GXYLT1: variants seen among roughly 807,000 people sequenced by gnomAD.
The protein encoded by GXYLT1 is glycosyltransferase 8 domain containing 3.
GXYLT1 carries 29 observed loss-of-function variants against 54.0 expected under a neutral mutation model. The observed-to-expected ratio is 0.54, with a 90% CI of 0.40 to 0.73. GXYLT1 has a LOEUF of 0.73. Ranked by LOEUF, GXYLT1 falls within the 30% of genes least tolerant of loss-of-function variation. The probability of loss-of-function intolerance (pLI) is 0.00; values close to 1 mark genes in which losing one functional copy is unlikely to be tolerated. For missense variants in GXYLT1, 490 were observed against 553.4 expected, an observed-to-expected ratio of 0.89 and a Z score of 1.15; for synonymous variants, 176 against 204.1, an observed-to-expected ratio of 0.86 and a Z score of 1.17.
At chr12:42,116,941 T>C (rs901040082) in intron 3 of GXYLT1, among the ~76,000 whole-genome samples, 1 of 152,050 alleles carries the variant, frequency 6.6e-6, no homozygotes, top group African/African-American at 2.4e-5. Flanking sequence ...TGGAATACTA[T>C]GCAGCCATAA....
intron 1 of GXYLT1, among the ~76,000 whole-genome samples, chr12:42,134,027 T>G (rs1427655678): frequency 6.6e-6 from 1 of 151,640 alleles, no homozygotes; most frequent in East Asian, 1.9e-4. Flanking sequence ...CAAAACCCCA[T>G]CTCTACAAAG....
chr12:42,144,064 T>G (rs2065665949), intron 1 of GXYLT1, among the ~76,000 whole-genome samples: 1 of 152,144 alleles, frequency 6.6e-6, no homozygotes, highest in Non-Finnish European at 1.5e-5. Flanking sequence ...TTTAAATATC[T>G]CAACTTGAAC....
chr12:42,097,612 T>C lies in GXYLT1; in HGVS notation c.991A>G (p.Ser331Gly). 6.2e-7 allele frequency: 1 copy of C among 1,604,784 alleles called. No homozygotes were observed. The highest frequency in any genetic ancestry group is 8.5e-7 in the Non-Finnish European group (1 of 1,177,422). The change falls in exon 7 of 8, where the codon AGC becomes GGC. Residue 331 changes from serine to glycine, a missense_variant and splice_region_variant. Ser to Gly is a moderately conservative substitution (Grantham distance 56). This residue lies in a region of GXYLT1 where 342 missense variants were observed against 342.6 expected (regional missense o/e 1.00). Transcript: ENST00000398675. ...CATTGACACGGAAAAACAAAAAGGC[T>C]TTCTACATAAAGAAAAGACCAAACA... ...LNIVFFHNPESLFVFPCQWNY... is the reference protein window; with the variant it reads ...LNIVFFHNPEGLFVFPCQWNY...
chr12:42,136,522 C>T (rs761007579), intron 1 of GXYLT1, among the ~76,000 whole-genome samples: 5 of 152,138 alleles, frequency 3.3e-5, no homozygotes, highest in Non-Finnish European at 5.9e-5. Flanking sequence ...TAAAATGTTA[C>T]TATGGCTCAT....
In GXYLT1 at chr12:42,126,948, G is replaced by GT. The variant is rs368476430; in HGVS notation, c.314+2810_314+2811insA. On this transcript the variant is annotated intron_variant, in intron 2 of 7. Transcript: ENST00000398675. Reference sequence around the variant, plus strand: ...TCACAACTATGTAAAAGCATATGATGATATGAATGATGAAAACACTTGTAA... The same window carrying GT: ...TCACAACTATGTAAAAGCATATGATGTATATGAATGATGAAAACACTTGTAA... Among the ~76,000 whole-genome samples the GT allele has an allele frequency of 2.8e-3, 424 of 151,892 alleles. 1 individual carries two copies. Among genetic ancestry groups the GT allele is most frequent in the African/African-American group, 9.1e-3 (378 of 41,426 alleles).
chr12:42,088,590 T>C (rs1440490431), intron 7 of GXYLT1, among the ~76,000 whole-genome samples: 1 of 152,190 alleles, frequency 6.6e-6, no homozygotes, highest in Admixed American at 6.5e-5. Flanking sequence ...TATTTTTGGC[T>C]AGAGTCCTTC....
chr12:42,094,134 G>A (rs563992637), intron 7 of GXYLT1, among the ~76,000 whole-genome samples: 2 of 151,902 alleles, frequency 1.3e-5, no homozygotes, highest in African/African-American at 4.8e-5. Context: ...GCCAAGGATT[G>A]CTTGAGCCCA....
intron 3 of GXYLT1, among the ~76,000 whole-genome samples, chr12:42,112,388 C>T (rs1045509090): frequency 1.3e-5 from 2 of 151,992 alleles, no homozygotes; most frequent in South Asian, 4.1e-4. Flanking sequence ...AAATTAAAAG[C>T]TTTGAAAAAA....
chr12:42,114,825 C>A (rs1328691186), intron 3 of GXYLT1, among the ~76,000 whole-genome samples: 4 of 151,888 alleles, frequency 2.6e-5, no homozygotes, highest in Middle Eastern at 3.4e-3. Context: ...GAGACACAAC[C>A]AAAAAAGAGA....
chr12:42,115,805 A>G (rs1260241837), intron 3 of GXYLT1, among the ~76,000 whole-genome samples: 40 of 151,252 alleles, frequency 2.6e-4, no homozygotes, highest in Non-Finnish European at 1.0e-4. Flanking sequence ...GAACCAAAAA[A>G]GAGCCTGCGT....
At chr12:42,107,476 A>C (rs1327910491) in intron 4 of GXYLT1, among the ~76,000 whole-genome samples, 1 of 152,186 alleles carries the variant, frequency 6.6e-6, no homozygotes, top group African/African-American at 2.4e-5. Flanking sequence ...AGATCACCTG[A>C]GGTCAGGGCT....
At chr12:42,112,320 G>A (rs1157630377) in intron 3 of GXYLT1, among the ~76,000 whole-genome samples, 1 of 152,180 alleles carries the variant, frequency 6.6e-6, no homozygotes, top group Non-Finnish European at 1.5e-5. Context: ...GTTGAGAGAA[G>A]GCTTCAGAAG....
At chr12:42,100,189 T>C (rs916960522) in intron 5 of GXYLT1, among the ~76,000 whole-genome samples, 2 of 152,212 alleles carry the variant, frequency 1.3e-5, no homozygotes, top group African/African-American at 4.8e-5. Context: ...TAGATCTATG[T>C]GACTCGGGGA....
rs2065296732 is a variant in GXYLT1 at position 42,086,865 on chromosome 12, C to T, written c.*921G>A. 6.6e-6 allele frequency: 1 copy of T among 152,114 alleles called. No homozygotes were observed. Among genetic ancestry groups the T allele is most frequent in the Admixed American group, 6.6e-5 (1 of 15,258 alleles). 9.4% of individuals were successfully genotyped at this position (152,114 alleles called of 1,614,324 possible). A position where few individuals can be genotyped will look rare whatever the true frequency, so the allele number is the denominator to read the frequency against. The stretch of plus-strand genomic sequence containing the variant: ...TTCTACTCCATTGTAACTAAAATTA[C>T]TACTCACAGGAAGTATATAGCTTAT... On this transcript the variant is annotated 3_prime_UTR_variant, in exon 8 of 8. Transcript: ENST00000398675.
chr12:42,105,953 T>C lies in GXYLT1; in HGVS notation c.729A>G (p.Ala243=), dbSNP rs2065417804. The part of the protein sequence containing the change: ...LKKFNSTQIA[A]MAPEHEEPRI... ...GAGGTTCCTCATGTTCTGGTGCCAT[T>C]GCAGCAATTTGTGTGGAATTAAATT... Residue 243 remains alanine, a synonymous_variant, in exon 5 of 8, where the codon GCA becomes GCG. Coordinates refer to ENST00000398675, the MANE Select transcript of GXYLT1 (RefSeq NM_173601.2). 1.2e-6 allele frequency: 2 copies of C among 1,614,160 alleles called. No homozygotes were observed. The highest frequency in any genetic ancestry group is 1.7e-6 in the Non-Finnish European group (2 of 1,179,982).
At chr12:42,099,785 G>A (rs574641956) in intron 5 of GXYLT1, among the ~76,000 whole-genome samples, 2 of 152,232 alleles carry the variant, frequency 1.3e-5, no homozygotes, top group African/African-American at 4.8e-5. Flanking sequence ...GGGAGGTGGA[G>A]GTTTGCAGTG....
At chr12:42,130,515 G>T (rs1265041192) in intron 1 of GXYLT1, among the ~76,000 whole-genome samples, 1 of 152,080 alleles carries the variant, frequency 6.6e-6, no homozygotes, top group East Asian at 1.9e-4. Context: ...CTCATACACT[G>T]CTGGTAGGAA....
At chr12:42,124,996 A>ACGG (rs1481499362) in intron 2 of GXYLT1, among the ~76,000 whole-genome samples, 244 of 152,344 alleles carry the variant, frequency 1.6e-3, no homozygotes, top group African/African-American at 5.6e-3. Flanking sequence ...ATAACACCAT[A>ACGG]TGGTATCAGC....
At chr12:42,106,389 G>C (rs2065421361) in intron 4 of GXYLT1, among the ~76,000 whole-genome samples, 1 of 152,254 alleles carries the variant, frequency 6.6e-6, no homozygotes, top group African/African-American at 2.4e-5. Flanking sequence ...ATTAACTTAG[G>C]TAAATTTATA....
Sources: gnomAD v4.1 joint callset for allele counts (sites outside exome capture counted in the v4.1 genomes callset) on GRCh38, gnomAD v4.1.1 for gene constraint, gnomAD v4.1.1 regional missense constraint, MANE v1.5 for transcripts, NCBI Gene and HGNC (gene_info 2026-07-23, HGNC 2026-07-21) for gene names.